Variants in ZNF148 observed in about 807,000 individuals in gnomAD.
ZNF148 encodes the protein zinc finger protein 148.
In ZNF148, 7 loss-of-function variants were observed where a neutral mutation model predicts 67.7. The ratio of observed to expected loss-of-function variants is 0.10; its 90% confidence interval spans 0.06 to 0.19. The LOEUF (loss-of-function observed/expected upper bound fraction) is 0.19. Among genes scored for constraint, ZNF148 ranks in the 10% least tolerant of loss-of-function variants. ZNF148 has a pLI of 1.00. For synonymous variants in ZNF148, 333 were observed against 330.7 expected, an observed-to-expected ratio of 1.01 and a Z score of -0.08; for missense variants, 583 against 947.1, an observed-to-expected ratio of 0.62 and a Z score of 5.05.
At position 125,232,101 on chromosome 3, in the gene ZNF148, T is replaced by G; in HGVS notation, c.*240A>C. 1 of 405,728 alleles carries G rather than the reference T, an allele frequency of 2.5e-6. No individual in the cohort carries two copies. Among genetic ancestry groups the G allele is most frequent in the Non-Finnish European group, 4.3e-6 (1 of 232,742 alleles). The allele number at this position is 405,728 out of a possible 1,614,324, so 25.1% of individuals were successfully genotyped here. Reference sequence around the variant, plus strand: ...AACTTGGTGTGGGTGGAATAGCAAGTTTCTGATCTAAAACAAGTAATGCAT... The same window carrying G: ...AACTTGGTGTGGGTGGAATAGCAAGGTTCTGATCTAAAACAAGTAATGCAT... On this transcript the variant is annotated 3_prime_UTR_variant, in exon 9 of 9. Coordinates refer to ENST00000360647, the MANE Select transcript of ZNF148 (RefSeq NM_021964.3). This position sits in a 1 kb window ranked among gnomAD's most constrained non-coding sequence, Gnocchi z 4.2.
intron 7 of ZNF148, among the ~76,000 whole-genome samples, chr3:125,266,925 T>C (rs1374749345): frequency 1.3e-5 from 2 of 151,980 alleles, no homozygotes; most frequent in Non-Finnish European, 1.5e-5. Flanking sequence ...AACACCCCTA[T>C]ACACACAAAC....
intron 1 of ZNF148, among the ~76,000 whole-genome samples, chr3:125,349,287 G>A (rs190001623): frequency 2.4e-4 from 37 of 152,252 alleles, no homozygotes; most frequent in Admixed American, 2.4e-3. Flanking sequence ...AGAGCAACTA[G>A]GCAACTTATG....
At chr3:125,290,242 AAGACAGAAGTAG>A (rs1938933964) in intron 4 of ZNF148, among the ~76,000 whole-genome samples, 1 of 152,170 alleles carries the variant, frequency 6.6e-6, no homozygotes, top group Non-Finnish European at 1.5e-5. Flanking sequence ...TCCCCAGGTT[AAGACAGAAGTAG>A]AGACCTATAG....
intron 1 of ZNF148, among the ~76,000 whole-genome samples, chr3:125,341,425 C>T (rs564310456): frequency 7.3e-5 from 11 of 151,340 alleles, no homozygotes; most frequent in African/African-American, 2.4e-4. Context: ...GTAAGACCAG[C>T]GTGGGCAACA....
intron 8 of ZNF148, 129 bp from the exon 9 acceptor site, chr3:125,234,068 C>T: frequency 7.6e-7 from 1 of 1,309,776 alleles, no homozygotes; most frequent in Non-Finnish European, 1.0e-6. Flanking sequence ...AACAAATTCA[C>T]TGAGCCAATT....
At chr3:125,340,241 T>A (rs922856458) in intron 1 of ZNF148, among the ~76,000 whole-genome samples, 6 of 152,104 alleles carry the variant, frequency 3.9e-5, no homozygotes, top group African/African-American at 1.2e-4. Flanking sequence ...CCAAAACAAA[T>A]GGCAACAACT....
intron 2 of ZNF148, among the ~76,000 whole-genome samples, chr3:125,329,439 G>C (rs1264953865): frequency 6.7e-6 from 1 of 148,606 alleles, no homozygotes; most frequent in African/African-American, 2.5e-5. Context: ...TTGGCTCAAC[G>C]CAACCTCCGC....
rs115954740 is a variant in ZNF148 at position 125,252,519 on chromosome 3, G to A, written c.668-18190C>T. 5.6e-3 allele frequency among the ~76,000 whole-genome samples: 845 copies of A among 152,134 alleles called. 7 individuals carry two copies. Among genetic ancestry groups the A allele is most frequent in the African/African-American group, 0.019 (797 of 41,500 alleles). ...CATCCTGCCAGGCCTGGTAGCTCAC[G>A]CCTGTAATCCCTGCATGAGGCGGGT... is the stretch of plus-strand genomic sequence containing the variant. On this transcript the variant is annotated intron_variant, in intron 7 of 8. Transcript: ENST00000360647.
At position 125,233,773 on chromosome 3, in the gene ZNF148, T is replaced by C; in HGVS notation, c.953A>G (p.Gln318Arg). ...TCCAGATGATTTTTTCTCCGTTTTC[T>C]GCCTTTTCTTTTTTGGCAGTGAGTT... Reference protein sequence around the residue: ...KDNSLPKKKRQKTEKKSSGMD... With the variant: ...KDNSLPKKKRRKTEKKSSGMD... The change falls in exon 9 of 9, where the codon CAG (glutamine) becomes CGG (arginine). Residue 318 changes from glutamine (Q) to arginine (R), a missense_variant. Physicochemically the swap from Gln to Arg is conservative, Grantham distance 43 (BLOSUM62 1). This residue lies in a region of ZNF148 where 78 missense variants were observed against 86.5 expected (regional missense o/e 0.90). Coordinates refer to ENST00000360647, the MANE Select transcript of ZNF148 (RefSeq NM_021964.3). The surrounding 1 kb of genome is among the most constrained non-coding windows in gnomAD (Gnocchi z 5.1). 6.2e-7 allele frequency: 1 copy of C among 1,613,880 alleles called. No individual in the cohort carries two copies.
At chr3:125,336,660 A>G (rs1301353717) in intron 1 of ZNF148, among the ~76,000 whole-genome samples, 1 of 139,446 alleles carries the variant, frequency 7.2e-6, no homozygotes, top group African/African-American at 2.7e-5. Flanking sequence ...ACTCAAACCA[A>G]CCACCCCAGA....
Position 125,232,739 on chromosome 3 carries a change from T to C in ZNF148, c.1987A>G (p.Met663Val), listed in dbSNP as rs1362330355. The change falls in exon 9 of 9, where the codon ATG becomes GTG. Residue 663 changes from methionine to valine, a missense_variant. Met to Val is a conservative substitution (Grantham distance 21, BLOSUM62 1). This residue lies in a region of ZNF148 where 158 missense variants were observed against 208.4 expected (regional missense o/e 0.76). Transcript: ENST00000360647. The surrounding 1 kb of genome is among the most constrained non-coding windows in gnomAD (Gnocchi z 4.2). The part of the protein sequence containing the change: ...TMPINSFRSG[M>V]NSPLRTTPDK... The stretch of plus-strand genomic sequence containing the variant: ...GGAGTTGTTCTTAGTGGAGAATTCA[T>C]TCCTGATCGAAAGCTATTGATGGGC... 6 of 1,613,772 alleles carry C rather than the reference T, an allele frequency of 3.7e-6. No individual in the cohort carries two copies. Among genetic ancestry groups the C allele is most frequent in the African/African-American group, 1.3e-5 (1 of 74,902 alleles).
At chr3:125,313,189 T>C (rs1345792353) in intron 4 of ZNF148, 119 bp downstream of exon 4, 7 of 680,462 alleles carry the variant, frequency 1.0e-5, no homozygotes, top group Non-Finnish European at 1.6e-5. Flanking sequence ...TTTTAGTATA[T>C]CTATTCAAGA....
Position 125,259,037 on chromosome 3 carries a change from A to T in ZNF148, c.667+18689T>A, listed in dbSNP as rs1157629996. ...ATTGCACAGAAAAATAAAATTAAAC[A>T]TGATGTTATATCTTGGAAAGTACTA... On this transcript the variant is annotated intron_variant, in intron 7 of 8. Transcript: ENST00000360647. Among the ~76,000 whole-genome samples the T allele has an allele frequency of 2.0e-5, 3 of 152,340 alleles. No individual in the cohort carries two copies. In the East Asian group the frequency reaches 5.8e-4, roughly 29 times the overall value.
intron 4 of ZNF148, among the ~76,000 whole-genome samples, chr3:125,310,718 G>A (rs920465210): frequency 3.9e-5 from 6 of 152,178 alleles, no homozygotes; most frequent in South Asian, 2.1e-4. Context: ...TCTACCACTG[G>A]GCAGGGGGAA....
intron 1 of ZNF148, among the ~76,000 whole-genome samples, chr3:125,362,906 T>A (rs1204590344): frequency 6.6e-6 from 1 of 152,186 alleles, no homozygotes; most frequent in Non-Finnish European, 1.5e-5. Flanking sequence ...CCTTGCTTTA[T>A]GTCACTGTAA....
chr3:125,306,538 C>G (rs1939887190), intron 4 of ZNF148, among the ~76,000 whole-genome samples: 1 of 152,056 alleles, frequency 6.6e-6, no homozygotes, highest in African/African-American at 2.4e-5. Flanking sequence ...TTTACCAAAA[C>G]TTATTCAAGA....
At chr3:125,281,028 C>T (rs936888815) in intron 5 of ZNF148, among the ~76,000 whole-genome samples, 1 of 152,160 alleles carries the variant, frequency 6.6e-6, no homozygotes, top group Non-Finnish European at 1.5e-5. Context: ...AGCTTTAATC[C>T]TTAAAACATT....
At chr3:125,273,729 C>T (rs903538472) in intron 7 of ZNF148, among the ~76,000 whole-genome samples, 4 of 152,034 alleles carry the variant, frequency 2.6e-5, no homozygotes, top group African/African-American at 7.3e-5. Flanking sequence ...ATCCGCCTGC[C>T]GTGGCCTCCC....
At chr3:125,365,699 TC>T (rs1229942818) in intron 1 of ZNF148, among the ~76,000 whole-genome samples, 1 of 152,114 alleles carries the variant, frequency 6.6e-6, no homozygotes, top group Non-Finnish European at 1.5e-5. Flanking sequence ...ATGCCTGTGG[TC>T]CCAGGTACTC....
Sources: allele counts gnomAD v4.1 joint callset (sites outside exome capture counted in the v4.1 genomes callset), GRCh38; gene constraint gnomAD v4.1.1; regional missense constraint gnomAD v4.1.1; non-coding constraint Gnocchi (gnomAD v3.1); transcripts MANE v1.5; gene names NCBI Gene and HGNC (gene_info 2026-07-23, HGNC 2026-07-21).